The following MYO5B variants were observed in gnomAD, a reference collection of about 807,000 sequenced individuals.
The protein encoded by MYO5B is myosin VB.
Under a neutral mutation model 229.3 loss-of-function variants are expected in MYO5B, and 143 were observed. The observed-to-expected ratio is 0.62, with a 90% CI of 0.54 to 0.72. The LOEUF (loss-of-function observed/expected upper bound fraction) is 0.72, where lower values mean the gene tolerates loss of function less well. Among genes scored for constraint, MYO5B ranks in the 30% least tolerant of loss-of-function variants. MYO5B has a pLI of 0.00. For synonymous variants in MYO5B, 918 were observed against 885.2 expected, an observed-to-expected ratio of 1.04 and a Z score of -0.66; for missense variants, 2,321 against 2,331.0, an observed-to-expected ratio of 1.00 and a Z score of 0.09.
intron 17 of MYO5B, among the ~76,000 whole-genome samples, chr18:49,921,001 T>C (rs1449121486): frequency 2.0e-5 from 3 of 152,188 alleles, no homozygotes; most frequent in African/African-American, 7.2e-5. Flanking sequence ...ATCAGTTCTC[T>C]ATTATTCTTC....
chr18:50,122,741 T>C (rs2032090070), intron 1 of MYO5B, among the ~76,000 whole-genome samples: 1 of 149,744 alleles, frequency 6.7e-6, no homozygotes, highest in Non-Finnish European at 1.5e-5. Flanking sequence ...GACCCTGAAA[T>C]GCAAATCAAA....
chr18:49,973,608 T>C (rs2025713845), intron 10 of MYO5B, among the ~76,000 whole-genome samples: 1 of 152,190 alleles, frequency 6.6e-6, no homozygotes, highest in African/African-American at 2.4e-5. Context: ...TCGTGTTAAC[T>C]TCAAACAAGG....
chr18:49,918,665 G>C (rs1187334514), intron 17 of MYO5B, among the ~76,000 whole-genome samples: 2 of 152,204 alleles, frequency 1.3e-5, no homozygotes, highest in African/African-American at 4.8e-5. Flanking sequence ...GTCTCACATG[G>C]AAACCAGCAG....
At chr18:50,044,706 T>G (rs559029964) in intron 2 of MYO5B, among the ~76,000 whole-genome samples, 1 of 152,288 alleles carries the variant, frequency 6.6e-6, no homozygotes, top group East Asian at 1.9e-4. Flanking sequence ...AACTGAAACC[T>G]CAGTTTCTCA....
intron 5 of MYO5B, among the ~76,000 whole-genome samples, chr18:49,994,682 G>T (rs2025968319): frequency 5.9e-5 from 9 of 152,168 alleles, no homozygotes; most frequent in Admixed American, 5.2e-4. Context: ...AACCAAAGGC[G>T]ATGGGGACTC....
intron 22 of MYO5B, among the ~76,000 whole-genome samples, chr18:49,886,976 G>A (rs1004278325): frequency 2.0e-5 from 3 of 152,186 alleles, no homozygotes; most frequent in Admixed American, 6.5e-5. Flanking sequence ...TCCAAATCTC[G>A]TGTTGAAATG....
intron 33 of MYO5B, among the ~76,000 whole-genome samples, chr18:49,844,507 AGGCTGGTCCTG>A (rs1305159239): frequency 6.6e-6 from 1 of 152,172 alleles, no homozygotes; most frequent in Non-Finnish European, 1.5e-5. Context: ...ACCTTCTACC[AGGCTGGTCCTG>A]GGCTGGGCTC....
chr18:50,085,600 A>G (rs1240823118), intron 1 of MYO5B, among the ~76,000 whole-genome samples: 2 of 152,206 alleles, frequency 1.3e-5, no homozygotes, highest in East Asian at 1.9e-4. Context: ...ATGCTGCTAT[A>G]AAGACACATG....
At chr18:50,091,284 G>A (rs2031442887) in intron 1 of MYO5B, among the ~76,000 whole-genome samples, 1 of 152,200 alleles carries the variant, frequency 6.6e-6, no homozygotes, top group Non-Finnish European at 1.5e-5. Flanking sequence ...TAACATCAAT[G>A]CTATGCATTC....
Position 49,837,589 on chromosome 18 carries a change from A to G in MYO5B, c.5066T>C (p.Ile1689Thr), listed in dbSNP as rs2024003876. 12 of 1,613,842 alleles carry G rather than the reference A, an allele frequency of 7.4e-6. No homozygotes were observed. The highest frequency in any genetic ancestry group is 1.0e-5 in the Non-Finnish European group (12 of 1,179,870). ...CAGGTTGTTAAGAGTCACTGCGTTG[A>G]TCATGTAGAAGAGCTGTTTGAATAC... ...LQVFKQLFYMINAVTLNNLLL... is the reference protein window; with the variant it reads ...LQVFKQLFYMTNAVTLNNLLL... The change falls in exon 37 of 40, where the codon ATC becomes ACC. Residue 1689 changes from isoleucine to threonine, a missense_variant. Ile to Thr is a moderately conservative substitution (Grantham distance 89). Transcript: ENST00000285039.
intron 1 of MYO5B, among the ~76,000 whole-genome samples, chr18:50,065,069 G>A (rs1274112115): frequency 6.6e-6 from 1 of 152,184 alleles, no homozygotes; most frequent in East Asian, 1.9e-4. Flanking sequence ...TGGGACTCAA[G>A]CGAGCTCTCA....
intron 7 of MYO5B, among the ~76,000 whole-genome samples, chr18:49,989,386 C>CCAA (rs750825811): frequency 4.6e-4 from 70 of 152,218 alleles, no homozygotes; most frequent in Middle Eastern, 3.4e-3. Context: ...TGCACAAAGA[C>CCAA]CAACTACTCT....
intron 1 of MYO5B, among the ~76,000 whole-genome samples, chr18:50,115,156 C>A (rs527953667): frequency 1.6e-4 from 25 of 152,342 alleles, no homozygotes; most frequent in African/African-American, 5.8e-4. Flanking sequence ...CCCAGTCATG[C>A]CAACAGCTCT....
intron 1 of MYO5B, among the ~76,000 whole-genome samples, chr18:50,108,494 A>G (rs948859941): frequency 5.9e-5 from 9 of 152,184 alleles, no homozygotes; most frequent in Admixed American, 2.0e-4. Context: ...TTTAACATCG[A>G]ATCAGCTGAG....
At chr18:50,023,136 C>CAA (rs55848235) in intron 4 of MYO5B, among the ~76,000 whole-genome samples, 2 of 144,558 alleles carry the variant, frequency 1.4e-5, no homozygotes, top group African/African-American at 5.1e-5. Flanking sequence ...CAATGTCTTA[C>CAA]AAAAAAAAAA....
intron 25 of MYO5B, among the ~76,000 whole-genome samples, chr18:49,876,496 T>A (rs2024525553): frequency 6.6e-6 from 1 of 152,250 alleles, no homozygotes; most frequent in South Asian, 2.1e-4. Flanking sequence ...TGTATGTACA[T>A]GTGAGACAAT....
intron 4 of MYO5B, among the ~76,000 whole-genome samples, chr18:50,008,913 C>A (rs1283474409): frequency 6.6e-6 from 1 of 152,050 alleles, no homozygotes; most frequent in Non-Finnish European, 1.5e-5. Context: ...AGATCACCGA[C>A]AATAGTTTTT....
intron 16 of MYO5B, among the ~76,000 whole-genome samples, chr18:49,931,811 T>C (rs546514953): frequency 6.6e-6 from 1 of 152,288 alleles, no homozygotes; most frequent in South Asian, 2.1e-4. Context: ...CCCTGCAGCA[T>C]GAAGGCAGAG....
intron 1 of MYO5B, among the ~76,000 whole-genome samples, chr18:50,077,855 T>C (rs934344788): frequency 6.6e-6 from 1 of 152,150 alleles, no homozygotes; most frequent in Admixed American, 6.6e-5. Context: ...CCACTGCAAG[T>C]TTCCGGTTCC....
Sources: gnomAD v4.1 joint callset for allele counts (sites outside exome capture counted in the v4.1 genomes callset) on GRCh38, gnomAD v4.1.1 for gene constraint, MANE v1.5 for transcripts, NCBI Gene and HGNC (gene_info 2026-07-23, HGNC 2026-07-21) for gene names.